EBF4: variants seen among roughly 807,000 people sequenced by gnomAD.
EBF4 encodes the protein EBF transcription factor 4, also known as transcription factor COE4.
EBF4 carries 34 observed loss-of-function variants against 67.1 expected under a neutral mutation model. The observed-to-expected ratio is 0.51, with a 90% CI of 0.39 to 0.67. EBF4 has a LOEUF of 0.67. Ranked by LOEUF, EBF4 falls within the 30% of genes least tolerant of loss-of-function variation. The probability of loss-of-function intolerance (pLI) is 0.00; values close to 1 mark genes in which losing one functional copy is unlikely to be tolerated. For missense variants in EBF4, 837 were observed against 873.3 expected (o/e 0.96, Z 0.52); for synonymous variants, 387 against 377.7 (o/e 1.02, Z -0.29).
intron 1 of EBF4, among the ~76,000 whole-genome samples, chr20:2,702,413 G>C (rs1478804511): frequency 6.7e-6 from 1 of 148,882 alleles, no homozygotes; most frequent in Non-Finnish European, 1.5e-5. Flanking sequence ...GGGTGACAGA[G>C]CAAGATCCTG....
At chr20:2,744,086 T>TA (rs2088010212) in intron 6 of EBF4, among the ~76,000 whole-genome samples, 2 of 150,484 alleles carry the variant, frequency 1.3e-5, no homozygotes, top group African/African-American at 4.9e-5. Context: ...TTTTTTTTAT[T>TA]TTTTTTTTTT....
chr20:2,749,114 T>A (rs2088097641), intron 7 of EBF4, among the ~76,000 whole-genome samples: 1 of 152,168 alleles, frequency 6.6e-6, no homozygotes, highest in Non-Finnish European at 1.5e-5. Flanking sequence ...CAACCCAGCA[T>A]TCTGTGTATG....
intron 5 of EBF4, among the ~76,000 whole-genome samples, chr20:2,708,378 T>C (rs1174104875): frequency 6.6e-6 from 1 of 152,184 alleles, no homozygotes; most frequent in Non-Finnish European, 1.5e-5. Flanking sequence ...AAGCTAATCT[T>C]TGAGGAAATT....
chr20:2,718,470 G>T (rs184030631), intron 6 of EBF4, among the ~76,000 whole-genome samples: 5 of 152,162 alleles, frequency 3.3e-5, no homozygotes, highest in Non-Finnish European at 7.4e-5. Flanking sequence ...TTCTCTAATA[G>T]ATATAGAAGG....
chr20:2,752,992 G>A (rs1343281353), intron 14 of EBF4, among the ~76,000 whole-genome samples: 2 of 152,206 alleles, frequency 1.3e-5, no homozygotes, highest in African/African-American at 4.8e-5. Context: ...CCGCCCCCCA[G>A]CTCCCAGGAC....
chr20:2,727,924 T>C (rs144685089), intron 6 of EBF4, among the ~76,000 whole-genome samples: 1 of 152,364 alleles, frequency 6.6e-6, no homozygotes, highest in African/African-American at 2.4e-5. Context: ...TTTCTGAGTG[T>C]TGAGTGTTAG....
intron 16 of EBF4, 105 bp downstream of exon 16, chr20:2,759,089 C>T: frequency 1.8e-6 from 2 of 1,126,174 alleles, no homozygotes; most frequent in Non-Finnish European, 2.6e-6. Context: ...GCTAGCAGCC[C>T]CACAGGGATG....
At chr20:2,693,342 G>C (rs943913195), upstream of EBF4, among the ~76,000 whole-genome samples, 1 of 150,628 alleles carries the variant, frequency 6.6e-6, no homozygotes, top group Non-Finnish European at 1.5e-5. This position sits in a 1 kb window ranked among gnomAD's most constrained non-coding sequence, Gnocchi z 4.6. Flanking sequence ...CGCGCGGACC[G>C]GGTGCGGGCT....
At chr20:2,753,270 G>T (rs1223296783) in intron 14 of EBF4, among the ~76,000 whole-genome samples, 1 of 152,204 alleles carries the variant, frequency 6.6e-6, no homozygotes, top group Non-Finnish European at 1.5e-5. Context: ...CTGACTGTGG[G>T]CGCTGACCAC....
intron 10 of EBF4, among the ~76,000 whole-genome samples, chr20:2,750,944 G>A (rs942897601): frequency 1.3e-5 from 2 of 152,156 alleles, no homozygotes; most frequent in African/African-American, 4.8e-5. Flanking sequence ...ACTAAGTCAG[G>A]ATCAGAGGTG....
chr20:2,716,808 ACT>A (rs1256644345), intron 6 of EBF4, among the ~76,000 whole-genome samples: 1 of 152,008 alleles, frequency 6.6e-6, no homozygotes, highest in East Asian at 1.9e-4. Context: ...CTGTTCCTAG[ACT>A]CTCTATTTTA....
At chr20:2,743,193 G>A (rs886520933) in intron 6 of EBF4, among the ~76,000 whole-genome samples, 1 of 152,160 alleles carries the variant, frequency 6.6e-6, no homozygotes, top group Non-Finnish European at 1.5e-5. Context: ...CCCCCTGGGC[G>A]TCAGCCAAGG....
At chr20:2,746,068 G>A (rs2088045986) in intron 6 of EBF4, among the ~76,000 whole-genome samples, 1 of 152,190 alleles carries the variant, frequency 6.6e-6, no homozygotes. Flanking sequence ...TGGTCTGCCT[G>A]TGTGTGTGAG....
intron 6 of EBF4, among the ~76,000 whole-genome samples, chr20:2,740,548 T>A (rs57163591): frequency 0.011 from 1,601 of 152,254 alleles, 26 homozygotes; most frequent in African/African-American, 0.037. Context: ...GCTTTCTCTT[T>A]GGAAGTGAGA....
At chr20:2,715,671 G>A (rs1351339709) in intron 6 of EBF4, among the ~76,000 whole-genome samples, 2 of 152,110 alleles carry the variant, frequency 1.3e-5, no homozygotes, top group Non-Finnish European at 2.9e-5. Flanking sequence ...GGGTGTACAG[G>A]GCATTTTGTG....
At position 2,755,080 on chromosome 20, in the gene EBF4, G is replaced by A. The variant is rs78568037; in HGVS notation, c.1541-547G>A. ...AGTGGGAGAGGGACAGAGGAGCATA[G>A]GGAACATTGGCAAGGAGAGCATATT... On this transcript the variant is annotated intron_variant, in intron 14 of 16. Transcript: ENST00000609451. This position sits in a 1 kb window ranked among gnomAD's most constrained non-coding sequence, Gnocchi z 4.7. The A allele has an allele frequency of 6.6e-3, 1,035 of 156,128 alleles. 11 individuals carry two copies. Among genetic ancestry groups the A allele is most frequent in the African/African-American group, 0.024 (1,005 of 41,440 alleles). The allele number at this position is 156,128 out of a possible 1,614,324, so 9.7% of individuals were successfully genotyped here. A position where few individuals can be genotyped will look rare whatever the true frequency, so the allele number is the denominator to read the frequency against.
intron 1 of EBF4, among the ~76,000 whole-genome samples, chr20:2,695,805 C>G (rs1161528122): frequency 6.6e-6 from 1 of 152,060 alleles, no homozygotes; most frequent in African/African-American, 2.4e-5. Flanking sequence ...GTTTCTCTCC[C>G]TCTCATCTCT....
In EBF4 at chr20:2,708,527, T is replaced by C. The variant is rs776462279; in HGVS notation, c.488+507T>C. ...AAGAGATGCCAGTCGTACAGGGTCCTCGGAGGCAGTTCCTGATGCATGGAA... is the reference window on the plus strand; with the variant it reads ...AAGAGATGCCAGTCGTACAGGGTCCCCGGAGGCAGTTCCTGATGCATGGAA... On this transcript the variant is annotated intron_variant, in intron 5 of 16. Transcript: ENST00000609451. 1.9e-3 allele frequency among the ~76,000 whole-genome samples: 283 copies of C among 152,284 alleles called. 2 individuals are homozygous for C. The highest frequency in any genetic ancestry group is 2.2e-4 in the Non-Finnish European group (15 of 68,036).
chr20:2,747,249 T>C lies in EBF4; in HGVS notation c.558-1300T>C, dbSNP rs184917962. On this transcript the variant is annotated intron_variant, in intron 6 of 16. Coordinates refer to ENST00000609451, the Ensembl canonical transcript of EBF4. This position sits in a 1 kb window ranked among gnomAD's most constrained non-coding sequence, Gnocchi z 4.6. ...ATTGCTTGAACCCAGGAGGTGGAGG[T>C]TGCAGTGAGACATGGCGAGCCTGGG... Among the ~76,000 whole-genome samples the C allele has an allele frequency of 2.9e-3, 432 of 148,498 alleles. 2 individuals carry two copies. Among genetic ancestry groups the C allele is most frequent in the Non-Finnish European group, 5.1e-3 (345 of 67,324 alleles).
Sources: gnomAD v4.1 joint callset for allele counts (sites outside exome capture counted in the v4.1 genomes callset) on GRCh38, gnomAD v4.1.1 for gene constraint, Gnocchi (gnomAD v3.1) non-coding constraint, MANE v1.5 for transcripts, NCBI Gene and HGNC (gene_info 2026-07-23, HGNC 2026-07-21) for gene names.